Variants in NT5C3A observed in about 807,000 individuals in gnomAD.
NT5C3A encodes 5'-nucleotidase, cytosolic IIIA, also known as cytosolic 5'-nucleotidase 3A.
Under a neutral mutation model 40.0 loss-of-function variants are expected in NT5C3A, and 23 were observed. That is an observed-to-expected ratio of 0.58 (90% CI 0.41 to 0.81). The LOEUF is 0.81. Among genes scored for constraint, NT5C3A ranks in the 40% least tolerant of loss-of-function variants. NT5C3A has a pLI of 0.00. For synonymous variants in NT5C3A, 130 were observed against 141.4 expected (o/e 0.92, Z 0.57); for missense variants, 328 against 403.0 (o/e 0.81, Z 1.59).
intron 7 of NT5C3A, 200 bp from the exon 8 acceptor site, chr7:33,016,070 T>A (rs1305811086): frequency 1.7e-6 from 1 of 573,608 alleles, no homozygotes; most frequent in East Asian, 3.0e-5. Context: ...ATTTTTTAGA[T>A]ACTATTTTAA....
chr7:33,027,039 A>G, intron 1 of NT5C3A, 124 bp from the exon 2 acceptor site: 1 of 642,550 alleles, frequency 1.6e-6, no homozygotes, highest in Non-Finnish European at 2.7e-6. Flanking sequence ...TTTAAAAAGC[A>G]AGCCACCACA....
In NT5C3A at chr7:33,014,700, A is replaced by G; in HGVS notation, c.*30T>C. On this transcript the variant is annotated 3_prime_UTR_variant, in exon 9 of 9. Coordinates refer to ENST00000610140, the MANE Select transcript of NT5C3A (RefSeq NM_001002010.5). The stretch of plus-strand genomic sequence containing the variant: ...GGATGAACAGTTCAATTGCACCCAC[A>G]GGAGAGAGGTCTTCTTGGAGAATGC... 2.5e-6 allele frequency: 4 copies of G among 1,609,086 alleles called. No homozygotes were observed. The highest frequency in any genetic ancestry group is 3.4e-6 in the Non-Finnish European group (4 of 1,177,988).
intron 1 of NT5C3A, among the ~76,000 whole-genome samples, chr7:33,028,687 A>C (rs1258818190): frequency 6.6e-6 from 1 of 152,182 alleles, no homozygotes; most frequent in Non-Finnish European, 1.5e-5. Flanking sequence ...TGTTGTTCCT[A>C]CATAATGGGC....
intron 1 of NT5C3A, among the ~76,000 whole-genome samples, chr7:33,051,942 C>T (rs1028562490): frequency 6.6e-6 from 1 of 152,124 alleles, no homozygotes; most frequent in Non-Finnish European, 1.5e-5. Context: ...GCAATACATG[C>T]TCATGATATG....
In NT5C3A at chr7:33,062,748, A is replaced by G; in HGVS notation, c.-43T>C. The stretch of plus-strand genomic sequence containing the variant: ...GCGTCCAAGCAGGAAAAAAACAGGC[A>G]GCTCGCGTAGACTGCGAGTCTCGGA... On this transcript the variant is annotated 5_prime_UTR_variant, in exon 1 of 9. Transcript: ENST00000610140. The G allele has an allele frequency of 6.5e-7, 1 of 1,549,194 alleles. No homozygotes were observed. Among genetic ancestry groups the G allele is most frequent in the South Asian group, 1.2e-5 (1 of 84,100 alleles).
chr7:33,042,195 G>C (rs868206086), intron 1 of NT5C3A, among the ~76,000 whole-genome samples: 26 of 151,874 alleles, frequency 1.7e-4, no homozygotes, highest in African/African-American at 5.1e-4. Context: ...AAAATTAGCC[G>C]GGCCTGGTGG....
At chr7:33,028,778 G>A (rs1216927600) in intron 1 of NT5C3A, among the ~76,000 whole-genome samples, 5 of 152,066 alleles carry the variant, frequency 3.3e-5, no homozygotes, top group South Asian at 2.1e-4. Flanking sequence ...GAAAGAGGCC[G>A]GGCACAGTGG....
At chr7:33,056,262 A>G (rs1297223485) in intron 1 of NT5C3A, among the ~76,000 whole-genome samples, 1 of 152,136 alleles carries the variant, frequency 6.6e-6, no homozygotes, top group African/African-American at 2.4e-5. Flanking sequence ...TACAAAACAA[A>G]TCAAGAATTC....
chr7:33,048,134 A>G (rs1178596493), intron 1 of NT5C3A, among the ~76,000 whole-genome samples: 2 of 151,958 alleles, frequency 1.3e-5, no homozygotes, highest in African/African-American at 4.8e-5. Flanking sequence ...GTAAGATAAT[A>G]CCATAAATGG....
intron 1 of NT5C3A, among the ~76,000 whole-genome samples, chr7:33,051,055 T>G (rs1378366721): frequency 6.6e-6 from 1 of 152,224 alleles, no homozygotes; most frequent in Admixed American, 6.5e-5. Context: ...CAACCTCTAA[T>G]TTAAAAGAGA....
chr7:33,015,268 T>A (rs575975230), intron 8 of NT5C3A, among the ~76,000 whole-genome samples: 58 of 152,268 alleles, frequency 3.8e-4, no homozygotes, highest in African/African-American at 1.3e-3. Context: ...TCAAAATGCA[T>A]GATCACAATA....
chr7:33,062,664 G>T lies in NT5C3A; in HGVS notation c.42C>A (p.Ser14Arg). The T allele has an allele frequency of 6.3e-7, 1 of 1,584,606 alleles. No homozygotes were observed. Among genetic ancestry groups the T allele is most frequent in the African/African-American group, 1.4e-5 (1 of 73,962 alleles). The change falls in exon 1 of 9, where the codon AGC (serine) becomes AGA (arginine). Residue 14 changes from serine (S) to arginine (R), a missense_variant. Ser to Arg is a moderately radical substitution (Grantham distance 110). This residue lies in a region of NT5C3A where 280 missense variants were observed against 317.2 expected (regional missense o/e 0.88). Coordinates refer to ENST00000610140, the MANE Select transcript of NT5C3A (RefSeq NM_001002010.5). ...CCGCCACCAGGGCGCACACGCTGGCGCTCGCTACCGCGCCCACCCTCGCCA... is the reference window on the plus strand; with the variant it reads ...CCGCCACCAGGGCGCACACGCTGGCTCTCGCTACCGCGCCCACCCTCGCCA... ...AAVARVGAVA[S>R]ASVCALVAGV...
At chr7:33,035,526 C>T (rs951247748) in intron 1 of NT5C3A, among the ~76,000 whole-genome samples, 5 of 152,134 alleles carry the variant, frequency 3.3e-5, no homozygotes, top group Non-Finnish European at 7.4e-5. Context: ...AAAGCCTGTA[C>T]ATTTCCTATC....
rs1462072576 is a variant in NT5C3A, at chr7:33,033,965, A to G, written c.139-7050T>C. ...GGAGTGCAGTGGCGCCTCTCAGCTC[A>G]CTGCAAGCTCCGCCTCCTGGGTTCA... On this transcript the variant is annotated intron_variant, in intron 1 of 8. Transcript: ENST00000610140. Among the ~76,000 whole-genome samples, 4 of 148,764 alleles carry G rather than the reference A, an allele frequency of 2.7e-5. No individual in the cohort carries two copies. In the Admixed American group the frequency reaches 2.7e-4, roughly 10 times the overall value.
At chr7:33,050,045 A>G (rs2128015746) in intron 1 of NT5C3A, among the ~76,000 whole-genome samples, 1 of 152,176 alleles carries the variant, frequency 6.6e-6, no homozygotes, top group Middle Eastern at 3.4e-3. Flanking sequence ...CCAAACAGGG[A>G]AACTTTATCC....
Position 33,062,742 on chromosome 7 carries a change from A to T in NT5C3A, c.-37T>A. The T allele has an allele frequency of 6.4e-7, 1 of 1,550,528 alleles. No homozygotes were observed. Among genetic ancestry groups the T allele is most frequent in the Non-Finnish European group, 8.7e-7 (1 of 1,147,056 alleles). On this transcript the variant is annotated 5_prime_UTR_variant, in exon 1 of 9. Coordinates refer to ENST00000610140, the MANE Select transcript of NT5C3A (RefSeq NM_001002010.5). ...TCATGCGCGTCCAAGCAGGAAAAAA[A>T]CAGGCAGCTCGCGTAGACTGCGAGT... is the stretch of plus-strand genomic sequence containing the variant.
intron 1 of NT5C3A, among the ~76,000 whole-genome samples, chr7:33,048,570 TG>T (rs1162396870): frequency 1.3e-5 from 2 of 152,230 alleles, no homozygotes; most frequent in Non-Finnish European, 2.9e-5. Context: ...AAAACATATA[TG>T]AAAGCTTTAT....
chr7:33,047,690 A>C (rs1057179570), intron 1 of NT5C3A, among the ~76,000 whole-genome samples: 2 of 152,212 alleles, frequency 1.3e-5, no homozygotes, highest in African/African-American at 2.4e-5. Flanking sequence ...AGAAAAATAA[A>C]GGAAGTACAC....
In NT5C3A at chr7:33,014,516, T is replaced by A. The variant is rs781333090; in HGVS notation, c.*214A>T. On this transcript the variant is annotated 3_prime_UTR_variant, in exon 9 of 9. Transcript: ENST00000610140. The stretch of plus-strand genomic sequence containing the variant: ...TCTAATTTTAGCTTTTTTTTTTTTT[T>A]AAATGGGTTAAAAGATACGGTGAGG... The A allele has an allele frequency of 2.0e-5, 13 of 641,932 alleles. No individual in the cohort carries two copies. Among genetic ancestry groups the A allele is most frequent in the Admixed American group, 6.5e-5 (3 of 45,934 alleles). The allele number at this position is 641,932 out of a possible 1,614,324, so 39.8% of individuals were successfully genotyped here. A position where few individuals can be genotyped will look rare whatever the true frequency, so the allele number is the denominator to read the frequency against.
Sources: allele counts gnomAD v4.1 joint callset (sites outside exome capture counted in the v4.1 genomes callset), GRCh38; gene constraint gnomAD v4.1.1; regional missense constraint gnomAD v4.1.1; transcripts MANE v1.5; gene names NCBI Gene and HGNC (gene_info 2026-07-23, HGNC 2026-07-21).